The following CSMD1 variants were observed in gnomAD, a reference collection of about 807,000 sequenced individuals.
The protein encoded by CSMD1 is CUB and sushi domain-containing protein 1.
A neutral mutation model predicts 417.5 loss-of-function variants in CSMD1; 213 were observed. The ratio of observed to expected loss-of-function variants is 0.51; its 90% confidence interval spans 0.46 to 0.57. The LOEUF is 0.57. Among genes scored for constraint, CSMD1 ranks in the 20% least tolerant of loss-of-function variants. The pLI is 0.00. For missense variants in CSMD1, 6,923 were observed against 4,529.7 expected (o/e 1.53, Z -15.17); for synonymous variants, 2,862 against 1,736.8 (o/e 1.65, Z -16.11).
At chr8:3,399,679 C>T (rs558962518) in intron 15 of CSMD1, 150 bp from the exon 16 acceptor site, 10 of 609,378 alleles carry the variant, frequency 1.6e-5, no homozygotes, top group South Asian at 3.3e-5. Flanking sequence ...GGAAACTGTA[C>T]ATTTATTGAA....
At chr8:3,330,699 A>G (rs1273902276) in intron 23 of CSMD1, among the ~76,000 whole-genome samples, 1 of 152,164 alleles carries the variant, frequency 6.6e-6, no homozygotes, top group Non-Finnish European at 1.5e-5. Flanking sequence ...CCCCCGTGAC[A>G]TGAGTTTACC....
chr8:4,749,055 CG>C, intron 1 of CSMD1, among the ~76,000 whole-genome samples: 1 of 105,084 alleles, frequency 9.5e-6, no homozygotes, highest in African/African-American at 4.8e-5. Context: ...TGCCTGTGTG[CG>C]TGTGTGTGTG....
intron 12 of CSMD1, among the ~76,000 whole-genome samples, chr8:3,445,551 C>T (rs947849856): frequency 6.6e-6 from 1 of 152,024 alleles, no homozygotes; most frequent in African/African-American, 2.4e-5. Context: ...TTTAATAGAA[C>T]AGACTTCTTA....
chr8:3,730,254 A>T (rs1171832439), intron 6 of CSMD1, among the ~76,000 whole-genome samples: 1 of 151,952 alleles, frequency 6.6e-6, no homozygotes, highest in Non-Finnish European at 1.5e-5. Flanking sequence ...ATGAGAAAAT[A>T]CCTTGAGCAC....
intron 3 of CSMD1, among the ~76,000 whole-genome samples, chr8:4,168,773 A>G (rs968116089): frequency 6.6e-6 from 1 of 152,096 alleles, no homozygotes; most frequent in African/African-American, 2.4e-5. Context: ...TCTTTTCCTT[A>G]CAATAAAACT....
chr8:3,267,344 C>T (rs980123405), intron 26 of CSMD1, among the ~76,000 whole-genome samples: 3 of 152,150 alleles, frequency 2.0e-5, no homozygotes, highest in East Asian at 3.9e-4. Context: ...CTATCGCGTA[C>T]GAAAGGGGTG....
chr8:4,840,291 A>G (rs1300434959), intron 1 of CSMD1, among the ~76,000 whole-genome samples: 2 of 80,438 alleles, frequency 2.5e-5, no homozygotes, highest in South Asian at 4.4e-4. Flanking sequence ...ATGTTTTGCT[A>G]CTGTTACTCT....
intron 1 of CSMD1, among the ~76,000 whole-genome samples, chr8:4,987,621 A>G (rs533163168): frequency 1.3e-5 from 2 of 152,356 alleles, no homozygotes; most frequent in African/African-American, 2.4e-5. Context: ...ATAATATAAA[A>G]TATTGAGTGT....
At chr8:3,606,931 C>T (rs966393147) in intron 8 of CSMD1, among the ~76,000 whole-genome samples, 1 of 151,886 alleles carries the variant, frequency 6.6e-6, no homozygotes, top group Non-Finnish European at 1.5e-5. Context: ...AGGATGGTCT[C>T]GATCTCTTAA....
chr8:4,449,960 G>C (rs564539515), intron 2 of CSMD1, among the ~76,000 whole-genome samples: 7 of 152,246 alleles, frequency 4.6e-5, no homozygotes, highest in African/African-American at 1.4e-4. Context: ...TCTTTTTCTT[G>C]TTTTTCCACA....
At chr8:4,426,314 A>G (rs1797551276) in intron 2 of CSMD1, among the ~76,000 whole-genome samples, 1 of 151,260 alleles carries the variant, frequency 6.6e-6, no homozygotes, top group African/African-American at 2.4e-5. Context: ...TAGATATAAA[A>G]AGTTTTTTTA....
chr8:3,732,331 G>A (rs972801087), intron 6 of CSMD1, among the ~76,000 whole-genome samples: 7 of 152,170 alleles, frequency 4.6e-5, no homozygotes, highest in Non-Finnish European at 8.8e-5. Flanking sequence ...CATTTAACCT[G>A]TGTGGATCAC....
intron 3 of CSMD1, among the ~76,000 whole-genome samples, chr8:4,167,596 T>C (rs567080980): frequency 6.6e-6 from 1 of 152,266 alleles, no homozygotes; most frequent in African/African-American, 2.4e-5. Flanking sequence ...GATATGCAAA[T>C]GGCAGAAAAA....
Position 3,523,525 on chromosome 8 carries a change from GCACA to G in CSMD1, c.1345-29803_1345-29800del, listed in dbSNP as rs375381582. Among the ~76,000 whole-genome samples, 169 of 151,908 alleles carry G rather than the reference GCACA, an allele frequency of 1.1e-3. 1 individual carries two copies. Among genetic ancestry groups the G allele is most frequent in the African/African-American group, 3.9e-3 (160 of 41,454 alleles). ...GAAAGGTGATCTGACGTGAAAATATGCACACACACACGCACACCCAGACACATGT... is the reference window on the plus strand; with the variant it reads ...GAAAGGTGATCTGACGTGAAAATATGCACACACGCACACCCAGACACATGT... On this transcript the variant is annotated intron_variant, in intron 10 of 69. Coordinates refer to ENST00000635120, the MANE Select transcript of CSMD1 (RefSeq NM_033225.6).
rs1298645352 is a variant in CSMD1 at position 3,606,380 on chromosome 8, C to T, written c.1097+10330G>A. Among the ~76,000 whole-genome samples the T allele has an allele frequency of 2.6e-5, 4 of 152,176 alleles. No homozygotes were observed. In the East Asian group the frequency reaches 7.7e-4, roughly 29 times the overall value. Reference sequence around the variant, plus strand: ...GGCTATGAACCCATACGGCATGTTACTGTACTGAGTACTGTAGGCAATTGA... The same window carrying T: ...GGCTATGAACCCATACGGCATGTTATTGTACTGAGTACTGTAGGCAATTGA... On this transcript the variant is annotated intron_variant, in intron 8 of 69. Transcript: ENST00000635120.
intron 3 of CSMD1, among the ~76,000 whole-genome samples, chr8:4,406,461 C>G (rs1296005617): frequency 6.6e-6 from 1 of 152,172 alleles, no homozygotes; most frequent in African/African-American, 2.4e-5. Flanking sequence ...GATAAATCTA[C>G]TCATCATCCT....
chr8:4,239,474 G>A (rs1179875313), intron 3 of CSMD1, among the ~76,000 whole-genome samples: 2 of 152,162 alleles, frequency 1.3e-5, no homozygotes, highest in Non-Finnish European at 2.9e-5. Flanking sequence ...GAGAGATGTA[G>A]CACCCTCAGA....
chr8:3,622,008 T>TGC (rs1313151226), intron 7 of CSMD1, among the ~76,000 whole-genome samples: 1 of 151,668 alleles, frequency 6.6e-6, no homozygotes, highest in African/African-American at 2.4e-5. Context: ...TGTGTGTGTG[T>TGC]GTGTGTGTGT....
intron 2 of CSMD1, among the ~76,000 whole-genome samples, chr8:4,578,436 G>C (rs1011307582): frequency 2.1e-5 from 3 of 144,192 alleles, no homozygotes; most frequent in African/African-American, 5.1e-5. Flanking sequence ...ACCTCAGCAA[G>C]GGACTACATC....
Sources: allele counts gnomAD v4.1 joint callset (sites outside exome capture counted in the v4.1 genomes callset), GRCh38; gene constraint gnomAD v4.1.1; transcripts MANE v1.5; gene names NCBI Gene and HGNC (gene_info 2026-07-23, HGNC 2026-07-21).